Variants in FOXP1 observed in about 807,000 individuals in gnomAD.
The protein encoded by FOXP1 is forkhead box P1.
A neutral mutation model predicts 98.2 loss-of-function variants in FOXP1; 15 were observed. The observed-to-expected ratio is 0.15, with a 90% CI of 0.10 to 0.24. FOXP1 has a LOEUF of 0.24. FOXP1 is among the 10% of genes least tolerant of loss of function. The pLI, the probability that FOXP1 is intolerant of heterozygous loss-of-function variation, is 1.00. For missense variants in FOXP1, 633 were observed against 848.5 expected (o/e 0.75, Z 3.15); for synonymous variants, 371 against 314.5 (o/e 1.18, Z -1.90).
chr3:70,981,191 C>CAAAA (rs71104406), intron 14 of FOXP1, among the ~76,000 whole-genome samples: 11 of 59,972 alleles, frequency 1.8e-4, no homozygotes, highest in East Asian at 1.2e-3. Flanking sequence ...CTCTTTCTAC[C>CAAAA]AAAAAAAAAA....
At chr3:71,237,865 C>T (rs1424040570) in intron 5 of FOXP1, among the ~76,000 whole-genome samples, 1 of 152,102 alleles carries the variant, frequency 6.6e-6, no homozygotes, top group Non-Finnish European at 1.5e-5. Context: ...GCATTCTCCT[C>T]CCCCAGGAAA....
chr3:70,973,918 C>A (rs1005738102), intron 17 of FOXP1, among the ~76,000 whole-genome samples: 1 of 143,208 alleles, frequency 7.0e-6, no homozygotes, highest in Non-Finnish European at 1.5e-5. Flanking sequence ...GGTGGTGAAT[C>A]TTGATACTCT....
At chr3:71,396,937 C>CAT (rs1226125284) in intron 3 of FOXP1, among the ~76,000 whole-genome samples, 1 of 80,456 alleles carries the variant, frequency 1.2e-5, no homozygotes, top group Admixed American at 1.3e-4. Context: ...TATATATACA[C>CAT]ATATATATAT....
At chr3:71,065,236 C>T (rs2052317290) in intron 7 of FOXP1, among the ~76,000 whole-genome samples, 1 of 151,952 alleles carries the variant, frequency 6.6e-6, no homozygotes, top group African/African-American at 2.4e-5. Context: ...GCGCGCACCG[C>T]TCCCTCTGGC....
intron 7 of FOXP1, among the ~76,000 whole-genome samples, chr3:71,106,746 C>T (rs1397278910): frequency 6.6e-6 from 1 of 150,978 alleles, no homozygotes; most frequent in Non-Finnish European, 1.5e-5. Context: ...GTGCACACCA[C>T]TGCAGTTGCA....
chr3:71,416,155 GA>G (rs1484543631), intron 3 of FOXP1, among the ~76,000 whole-genome samples: 1 of 152,112 alleles, frequency 6.6e-6, no homozygotes, highest in Non-Finnish European at 1.5e-5. Context: ...AATCAAAATA[GA>G]AACAAAGATG....
At chr3:71,293,323 G>T (rs966238929) in intron 5 of FOXP1, among the ~76,000 whole-genome samples, 1 of 152,086 alleles carries the variant, frequency 6.6e-6, no homozygotes, top group Non-Finnish European at 1.5e-5. Context: ...CATGGATACA[G>T]TAGTTCAGTG....
At chr3:71,047,259 TGAG>T (rs1311003801) in intron 9 of FOXP1, among the ~76,000 whole-genome samples, 164 bp from the exon 10 acceptor site, 3 of 152,168 alleles carry the variant, frequency 2.0e-5, no homozygotes, top group Admixed American at 6.5e-5. Context: ...ATACCTCCTC[TGAG>T]GAGGGGTGGG....
At chr3:71,258,641 AAGC>A (rs1214750770) in intron 5 of FOXP1, among the ~76,000 whole-genome samples, 3 of 152,206 alleles carry the variant, frequency 2.0e-5, no homozygotes, top group Admixed American at 6.5e-5. Context: ...GAAGGGCAGA[AAGC>A]AGGAGAGACT....
chr3:71,017,316 T>C (rs1221973031), intron 11 of FOXP1, among the ~76,000 whole-genome samples: 2 of 152,058 alleles, frequency 1.3e-5, no homozygotes, highest in Non-Finnish European at 1.5e-5. Flanking sequence ...TCAACAGTAG[T>C]AGAATTCTCA....
chr3:71,342,805 C>G (rs1292011965), intron 4 of FOXP1, among the ~76,000 whole-genome samples: 2 of 152,076 alleles, frequency 1.3e-5, no homozygotes, highest in Non-Finnish European at 2.9e-5. Flanking sequence ...TACCCATATA[C>G]CCTTCATCCA....
intron 2 of FOXP1, among the ~76,000 whole-genome samples, chr3:71,580,406 A>G (rs2048075039): frequency 6.6e-6 from 1 of 151,396 alleles, no homozygotes; most frequent in South Asian, 2.1e-4. Context: ...GAGGGGGGAA[A>G]AAAACAGTCC....
intron 14 of FOXP1, among the ~76,000 whole-genome samples, chr3:70,987,386 T>C (rs1218523356): frequency 6.6e-6 from 1 of 152,204 alleles, no homozygotes; most frequent in Non-Finnish European, 1.5e-5. Context: ...AAGAGGAGAT[T>C]CTTACAAATT....
intron 5 of FOXP1, among the ~76,000 whole-genome samples, chr3:71,249,649 C>G (rs1265453376): frequency 6.6e-6 from 1 of 152,188 alleles, no homozygotes; most frequent in African/African-American, 2.4e-5. Flanking sequence ...CAGTACCAGC[C>G]CCTGTTGCTC....
rs1202868907 is a variant in FOXP1, at chr3:71,176,738, T to C, written c.180+21464A>G. The stretch of plus-strand genomic sequence containing the variant: ...CAGCCAGGGCAACAGAGCAAGAGGC[T>C]ATCTCAAAAAAAAAAAAAAAAAAAA... On this transcript the variant is annotated intron_variant, in intron 6 of 20. Transcript: ENST00000649528. Among the ~76,000 whole-genome samples the C allele has an allele frequency of 1.2e-4, 9 of 75,532 alleles. No individual in the cohort carries two copies. The South Asian group carries it at 1.8e-3, about 15-fold the overall frequency. 49.6% of individuals were successfully genotyped at this position (75,532 alleles called of 152,430 possible).
chr3:71,181,159 C>A (rs553179157), intron 6 of FOXP1, among the ~76,000 whole-genome samples: 21 of 152,250 alleles, frequency 1.4e-4, no homozygotes, highest in South Asian at 1.0e-3. Flanking sequence ...ACAGCCATAT[C>A]TACAATGACC....
intron 2 of FOXP1, among the ~76,000 whole-genome samples, chr3:71,516,616 C>T (rs534691799): frequency 1.8e-4 from 27 of 152,188 alleles, no homozygotes; most frequent in Admixed American, 2.0e-4. Flanking sequence ...GAGGCCAAGG[C>T]GGGTGGATCT....
At chr3:71,459,335 T>A (rs750471508) in intron 3 of FOXP1, among the ~76,000 whole-genome samples, 2 of 152,226 alleles carry the variant, frequency 1.3e-5, no homozygotes, top group Non-Finnish European at 2.9e-5. Context: ...TCCTGACAGA[T>A]GTATAAACAA....
At chr3:71,387,377 T>C (rs1373874571) in intron 3 of FOXP1, among the ~76,000 whole-genome samples, 1 of 152,232 alleles carries the variant, frequency 6.6e-6, no homozygotes, top group Non-Finnish European at 1.5e-5. Context: ...AGTTAGTAAA[T>C]ATATCCCTTT....
Sources: allele counts gnomAD v4.1 joint callset (sites outside exome capture counted in the v4.1 genomes callset), GRCh38; gene constraint gnomAD v4.1.1; transcripts MANE v1.5; gene names NCBI Gene and HGNC (gene_info 2026-07-23, HGNC 2026-07-21).